The following KHDRBS1 variants were observed in gnomAD, a reference collection of about 807,000 sequenced individuals.
The protein encoded by KHDRBS1 is KH domain-containing, RNA-binding, signal transduction-associated protein 1.
Under a neutral mutation model 48.4 loss-of-function variants are expected in KHDRBS1, and 7 were observed. The observed-to-expected ratio is 0.14, with a 90% CI of 0.08 to 0.27. The LOEUF (loss-of-function observed/expected upper bound fraction) is 0.27. KHDRBS1 is among the 10% of genes least tolerant of loss of function. KHDRBS1 has a pLI of 1.00. For missense variants in KHDRBS1, 458 were observed against 601.2 expected, an observed-to-expected ratio of 0.76 and a Z score of 2.49; for synonymous variants, 241 against 235.8, an observed-to-expected ratio of 1.02 and a Z score of -0.20.
At chr1:32,045,132 G>A (rs1047736010), downstream of KHDRBS1, among the ~76,000 whole-genome samples, 1 of 152,118 alleles carries the variant, frequency 6.6e-6, no homozygotes, top group East Asian at 1.9e-4. Context: ...TTTCTGCTCA[G>A]CTATTTAAAA....
At chr1:32,037,700 A>C in intron 5 of KHDRBS1, 135 bp from the exon 6 acceptor site, 2 of 964,764 alleles carry the variant, frequency 2.1e-6, no homozygotes, top group Non-Finnish European at 3.2e-6. Context: ...TACCCTGTAC[A>C]TTCCTCTGTG....
At chr1:32,059,952 A>G (rs1639525434) in intron 10 of KHDRBS1, among the ~76,000 whole-genome samples, 1 of 152,152 alleles carries the variant, frequency 6.6e-6, no homozygotes, top group South Asian at 2.1e-4. Flanking sequence ...CTGCATTTTC[A>G]TTACCAGACA....
rs138864721 is a variant in KHDRBS1, at chr1:32,043,115, C to T, written c.*491C>T. 2 of 152,848 alleles carry T rather than the reference C, an allele frequency of 1.3e-5. No individual in the cohort carries two copies. The highest frequency in any genetic ancestry group is 3.9e-4 in the East Asian group (2 of 5,182). The allele number at this position is 152,848 out of a possible 1,614,324, so 9.5% of individuals were successfully genotyped here. A position where few individuals can be genotyped will look rare whatever the true frequency, so the allele number is the denominator to read the frequency against. ...TTCAGGGCTGTTTAAGATTTAAAAT[C>T]ACAAACATTAACGGCAGTAGGCACC... On this transcript the variant is annotated 3_prime_UTR_variant, in exon 9 of 9. Transcript: ENST00000327300.
intron 1 of KHDRBS1, among the ~76,000 whole-genome samples, chr1:32,020,358 C>T (rs1005792099): frequency 2.0e-5 from 3 of 150,104 alleles, no homozygotes; most frequent in African/African-American, 4.9e-5. Context: ...CCCAGGAGGT[C>T]GAGGCTGCCT....
rs1639311052 is a variant in KHDRBS1, at chr1:32,043,069, A to G, written c.*445A>G. 6.5e-6 allele frequency: 1 copy of G among 153,394 alleles called. No homozygotes were observed. Among genetic ancestry groups the G allele is most frequent in the African/African-American group, 2.4e-5 (1 of 41,450 alleles). The allele number at this position is 153,394 out of a possible 1,614,324, so 9.5% of individuals were successfully genotyped here. On this transcript the variant is annotated 3_prime_UTR_variant, in exon 9 of 9. Transcript: ENST00000327300. ...CGTAAAGTTGTAGTTGCAGAATCCC[A>G]AACTAGGCTACATTTCAAAATTCAG...
chr1:32,025,149 G>C (rs1476036613), intron 1 of KHDRBS1, among the ~76,000 whole-genome samples: 1 of 149,720 alleles, frequency 6.7e-6, no homozygotes, highest in South Asian at 2.1e-4. Context: ...GCCTATGGTT[G>C]CACCTACTGG....
At chr1:32,044,273 A>C (rs903344475), downstream of KHDRBS1, among the ~76,000 whole-genome samples, 5 of 152,236 alleles carry the variant, frequency 3.3e-5, no homozygotes, top group African/African-American at 1.2e-4. Context: ...GTGACACCAA[A>C]TAATTTCTGT....
Position 32,030,189 on chromosome 1 carries a change from G to A in KHDRBS1, c.383-109G>A, listed in dbSNP as rs1013593626. 8 of 822,502 alleles carry A rather than the reference G, an allele frequency of 9.7e-6. No individual in the cohort carries two copies. In the African/African-American group the frequency reaches 1.4e-4, roughly 14 times the overall value. 51.0% of individuals were successfully genotyped at this position (822,502 alleles called of 1,614,324 possible). On this transcript the variant is annotated intron_variant, in intron 1 of 8. Transcript: ENST00000327300. ...GTTTCTTTCTGAAATTGGCACATTTGTGTGAACTATTTGGTTTCACTATAT... is the reference window on the plus strand; with the variant it reads ...GTTTCTTTCTGAAATTGGCACATTTATGTGAACTATTTGGTTTCACTATAT...
At position 32,025,144 on chromosome 1, in the gene KHDRBS1, TG is replaced by T. The variant is rs554692998; in HGVS notation, c.383-5152del. Reference sequence around the variant, plus strand: ...AGCCAGGCATGGTGGCACGCGCCTATGGTTGCACCTACTGGGGGTGCTGAGG... The same window carrying T: ...AGCCAGGCATGGTGGCACGCGCCTATGTTGCACCTACTGGGGGTGCTGAGG... On this transcript the variant is annotated intron_variant, in intron 1 of 8. Coordinates refer to ENST00000327300, the MANE Select transcript of KHDRBS1 (RefSeq NM_006559.3). Among the ~76,000 whole-genome samples, 4 of 151,758 alleles carry T rather than the reference TG, an allele frequency of 2.6e-5. No homozygotes were observed. The East Asian group carries it at 7.9e-4, about 30-fold the overall frequency.
In KHDRBS1 at chr1:32,042,674, T is replaced by G. The variant is rs1322817434; in HGVS notation, c.*50T>G. ...AGTTATGAGCAAAGTTGTTACTGAT[T>G]TCTTGTATCTCCCAGGATTCCTGTT... On this transcript the variant is annotated 3_prime_UTR_variant, in exon 9 of 9. Transcript: ENST00000327300. 1 of 1,111,652 alleles carries G rather than the reference T, an allele frequency of 9.0e-7. No homozygotes were observed. The highest frequency in any genetic ancestry group is 1.4e-6 in the Non-Finnish European group (1 of 732,538). 68.9% of individuals were successfully genotyped at this position (1,111,652 alleles called of 1,614,324 possible). A position where few individuals can be genotyped will look rare whatever the true frequency, so the allele number is the denominator to read the frequency against.
chr1:32,027,307 G>A (rs990663647), intron 1 of KHDRBS1, among the ~76,000 whole-genome samples: 2 of 152,194 alleles, frequency 1.3e-5, no homozygotes, highest in Admixed American at 6.5e-5. Context: ...CTAGGACTTT[G>A]AGGATTGAAT....
intron 10 of KHDRBS1, among the ~76,000 whole-genome samples, chr1:32,056,054 G>A (rs1639476525): frequency 6.6e-6 from 1 of 152,142 alleles, no homozygotes; most frequent in Non-Finnish European, 1.5e-5. Context: ...GAAGGGATGT[G>A]AATTTCATAG....
rs185475353 is a variant in KHDRBS1, at chr1:32,022,276, G to A, written c.382+7899G>A. Among the ~76,000 whole-genome samples the A allele has an allele frequency of 5.2e-3, 785 of 152,230 alleles. 6 individuals carry two copies. Among genetic ancestry groups the A allele is most frequent in the African/African-American group, 0.018 (758 of 41,542 alleles). ...GCCTCCCAAAGTGCTGGGATTACAG[G>A]TGTGAGCCACCGCGCCCCAGCCGGT... On this transcript the variant is annotated intron_variant, in intron 1 of 8. Transcript: ENST00000327300.
intron 10 of KHDRBS1, among the ~76,000 whole-genome samples, chr1:32,049,196 T>C (rs974355242): frequency 6.6e-6 from 1 of 151,840 alleles, no homozygotes; most frequent in African/African-American, 2.4e-5. Context: ...GCTGGGATTA[T>C]AGGCACGCGC....
chr1:32,030,550 C>CTT (rs971652727), intron 2 of KHDRBS1, 128 bp downstream of exon 2: 1 of 605,658 alleles, frequency 1.7e-6, no homozygotes, highest in African/African-American at 1.9e-5. Flanking sequence ...CTCTTTCATG[C>CTT]TTGTAGTACC....
At chr1:32,031,721 C>T (rs1232445776) in intron 3 of KHDRBS1, 81 bp downstream of exon 3, 10 of 836,428 alleles carry the variant, frequency 1.2e-5, no homozygotes, top group Admixed American at 8.1e-5. Flanking sequence ...CTTATAGAGG[C>T]GGCAAGAATT....
In KHDRBS1 at chr1:32,024,801, A is replaced by G. The variant is rs921021376; in HGVS notation, c.383-5497A>G. Among the ~76,000 whole-genome samples, 3 of 152,236 alleles carry G rather than the reference A, an allele frequency of 2.0e-5. No individual in the cohort carries two copies. In the East Asian group the frequency reaches 5.8e-4, roughly 29 times the overall value. ...GGTATTTGATATATAGTAGGCATCA[A>G]ATAAATATTCAGCCCTACCTGGGTA... On this transcript the variant is annotated intron_variant, in intron 1 of 8. Coordinates refer to ENST00000327300, the MANE Select transcript of KHDRBS1 (RefSeq NM_006559.3).
rs1422109849 is a variant in KHDRBS1, at chr1:32,030,341, G to A, written c.426G>A (p.Glu142=). ...IQKGDSKKDD[E]ENYLDLFSHK... is the part of the protein sequence containing the mutation. ...AAGGAGACTCAAAAAAGGATGATGA[G>A]GAGAATTACTTGGATTTATTTTCTC... The change falls in exon 2 of 9, where the codon GAG becomes GAA. Residue 142 remains glutamate (E), a synonymous_variant. Coordinates refer to ENST00000327300, the MANE Select transcript of KHDRBS1 (RefSeq NM_006559.3). 2.5e-6 allele frequency: 4 copies of A among 1,611,024 alleles called. No homozygotes were observed. Among genetic ancestry groups the A allele is most frequent in the East Asian group, 4.5e-5 (2 of 44,770 alleles).
intron 1 of KHDRBS1, among the ~76,000 whole-genome samples, chr1:32,019,688 A>G (rs189786288): frequency 1.3e-5 from 2 of 152,196 alleles, no homozygotes; most frequent in African/African-American, 4.8e-5. Flanking sequence ...GTATAATACT[A>G]TTTCTATAAA....
Sources: allele counts gnomAD v4.1 joint callset (sites outside exome capture counted in the v4.1 genomes callset), GRCh38; gene constraint gnomAD v4.1.1; transcripts MANE v1.5; gene names NCBI Gene and HGNC (gene_info 2026-07-23, HGNC 2026-07-21).